The following PPARG variants were observed in gnomAD, a reference collection of about 807,000 sequenced individuals.
PPARG encodes the protein peroxisome proliferator activated receptor gamma, also known as peroxisome proliferator-activated receptor gamma.
A neutral mutation model predicts 39.2 loss-of-function variants in PPARG; 17 were observed. The ratio of observed to expected loss-of-function variants is 0.43; its 90% CI spans 0.30 to 0.65. The LOEUF (loss-of-function observed/expected upper bound fraction) is 0.65. PPARG is among the 30% of genes least tolerant of loss of function. PPARG has a pLI of 0.13. For missense variants in PPARG, 406 were observed against 585.9 expected (o/e 0.69, Z 3.17); for synonymous variants, 223 against 215.7 (o/e 1.03, Z -0.30).
intron 4 of PPARG, 149 bp downstream of exon 4, chr3:12,381,640 C>A: frequency 1.3e-6 from 1 of 784,982 alleles, no homozygotes; most frequent in South Asian, 1.6e-5. Flanking sequence ...TGCAGTGGTG[C>A]TATCCTAGCA....
intron 7 of PPARG, among the ~76,000 whole-genome samples, chr3:12,433,531 C>G (rs1306087891): frequency 7.1e-6 from 1 of 141,130 alleles, no homozygotes; most frequent in East Asian, 2.0e-4. Context: ...GAGCAAGACT[C>G]CATCTCAAAA....
intron 2 of PPARG, among the ~76,000 whole-genome samples, chr3:12,348,510 A>G (rs2048389416): frequency 1.3e-5 from 2 of 152,192 alleles, no homozygotes; most frequent in East Asian, 1.9e-4. Context: ...CATCCTCCTC[A>G]TTATAGAATC....
At chr3:12,352,868 T>C (rs2048532350) in intron 2 of PPARG, among the ~76,000 whole-genome samples, 1 of 152,238 alleles carries the variant, frequency 6.6e-6, no homozygotes, top group African/African-American at 2.4e-5. Context: ...TTGTTGTTAT[T>C]CTGTTTTTCT....
At chr3:12,313,679 A>G (rs1184882988) in intron 2 of PPARG, among the ~76,000 whole-genome samples, 1 of 152,198 alleles carries the variant, frequency 6.6e-6, no homozygotes, top group Non-Finnish European at 1.5e-5. Context: ...GGCAGGGAAA[A>G]TACAGGCTGA....
intron 2 of PPARG, among the ~76,000 whole-genome samples, chr3:12,361,951 A>G (rs1206216203): frequency 1.1e-4 from 17 of 152,232 alleles, no homozygotes; most frequent in Admixed American, 1.1e-3. Flanking sequence ...CCTTCAATCC[A>G]TGAACATGAA....
At chr3:12,328,237 A>G in intron 2 of PPARG, 2 of 1,532,896 alleles carry the variant, frequency 1.3e-6, no homozygotes, top group Non-Finnish European at 1.8e-6. Flanking sequence ...GAAGCTGAGA[A>G]CAACATCCGG....
intron 2 of PPARG, chr3:12,328,370 A>T (rs2047755568): frequency 3.0e-6 from 2 of 668,830 alleles, no homozygotes; most frequent in South Asian, 1.7e-5. Flanking sequence ...CTCTGCCCTG[A>T]TGGATGCTTT....
intron 6 of PPARG, among the ~76,000 whole-genome samples, chr3:12,408,042 G>A (rs2050734657): frequency 6.6e-6 from 1 of 152,116 alleles, no homozygotes; most frequent in South Asian, 2.1e-4. Context: ...AGAAGACCTG[G>A]GACTATAATG....
At chr3:12,307,540 CAGA>C (rs1035657876) in intron 1 of PPARG, among the ~76,000 whole-genome samples, 2 of 152,024 alleles carry the variant, frequency 1.3e-5, no homozygotes, top group African/African-American at 2.4e-5. Flanking sequence ...TCAAGAAAAG[CAGA>C]AGATTTGGGT....
At position 12,365,358 on chromosome 3, in the gene PPARG, G is replaced by A. The variant is rs79625047; in HGVS notation, c.-8-14346G>A. Reference sequence around the variant, plus strand: ...TTACTCATTCTCTTGACACTGTTTTGCACAGAGCAGACTTTTTTTATTTTA... The same window carrying A: ...TTACTCATTCTCTTGACACTGTTTTACACAGAGCAGACTTTTTTTATTTTA... On this transcript the variant is annotated intron_variant, in intron 2 of 7. Transcript: ENST00000651735. Among the ~76,000 whole-genome samples the A allele has an allele frequency of 6.5e-3, 995 of 152,174 alleles. 8 individuals carry two copies. The highest frequency in any genetic ancestry group is 0.01 in the Non-Finnish European group (686 of 68,010).
chr3:12,365,409 C>A (rs2048983250), intron 2 of PPARG, among the ~76,000 whole-genome samples: 1 of 152,138 alleles, frequency 6.6e-6, no homozygotes, highest in African/African-American at 2.4e-5. Flanking sequence ...TCAGTTATTT[C>A]ATGGTTCATG....
chr3:12,301,152 A>G (rs1035925735), intron 1 of PPARG, among the ~76,000 whole-genome samples: 5 of 152,240 alleles, frequency 3.3e-5, no homozygotes, highest in South Asian at 2.1e-4. Flanking sequence ...ATAGACTTCA[A>G]CATTCTATGT....
At chr3:12,381,613 T>C in intron 4 of PPARG, 122 bp downstream of exon 4, 1 of 1,035,142 alleles carries the variant, frequency 9.7e-7, no homozygotes, top group South Asian at 1.4e-5. Flanking sequence ...TATCTTGCTC[T>C]GTCACCCAGA....
At chr3:12,400,333 T>A (rs574972538) in intron 5 of PPARG, among the ~76,000 whole-genome samples, 660 of 152,326 alleles carry the variant, frequency 4.3e-3, no homozygotes, top group Non-Finnish European at 7.6e-3. Context: ...TATACCCAGA[T>A]CCAAAAAGCA....
Position 12,434,147 on chromosome 3 carries a change from A to C in PPARG, c.*2A>C, listed in dbSNP as rs774217869. 1 of 1,614,038 alleles carries C rather than the reference A, an allele frequency of 6.2e-7. No homozygotes were observed. Among genetic ancestry groups the C allele is most frequent in the South Asian group, 1.1e-5 (1 of 91,084 alleles). The stretch of plus-strand genomic sequence containing the variant: ...GAGATCTACAAGGACTTGTACTAGC[A>C]GAGAGTCCTGAGCCACTGCCAACAT... On this transcript the variant is annotated 3_prime_UTR_variant, in exon 8 of 8. Coordinates refer to ENST00000651735, the MANE Select transcript of PPARG (RefSeq NM_138711.6). This position sits in a 1 kb window ranked among gnomAD's most constrained non-coding sequence, Gnocchi z 4.2.
chr3:12,393,373 A>G (rs554346846), intron 5 of PPARG, among the ~76,000 whole-genome samples: 1 of 152,254 alleles, frequency 6.6e-6, no homozygotes, highest in South Asian at 2.1e-4. Flanking sequence ...ACCTGTGTCT[A>G]AAGTCAAGCT....
At position 12,392,657 on chromosome 3, in the gene PPARG, G is replaced by A. The variant is rs781526093; in HGVS notation, c.434G>A (p.Arg145Lys). The A allele has an allele frequency of 6.2e-7, 1 of 1,613,946 alleles. No individual in the cohort carries two copies. ...ATCAGATTGAAGCTTATCTATGACA[G>A]ATGTGATCTTAACTGTCGGATCCAC... ...RTIRLKLIYD[R>K]CDLNCRIHKK... The change falls in exon 5 of 8, where the codon AGA (arginine) becomes AAA (lysine). Residue 145 changes from arginine (R) to lysine (K), a missense_variant. By Grantham distance (26) the Arg-to-Lys change is conservative (BLOSUM62 2). This residue lies in a region of PPARG where 275 missense variants were observed against 458.0 expected (regional missense o/e 0.60). Coordinates refer to ENST00000651735, the MANE Select transcript of PPARG (RefSeq NM_138711.6).
At chr3:12,339,889 T>C (rs1048693729) in intron 2 of PPARG, among the ~76,000 whole-genome samples, 1 of 152,248 alleles carries the variant, frequency 6.6e-6, no homozygotes, top group South Asian at 2.1e-4. Flanking sequence ...GCATATTGCT[T>C]GTCTGACTAA....
chr3:12,411,428 G>A (rs1483264042), intron 6 of PPARG, among the ~76,000 whole-genome samples: 1 of 152,098 alleles, frequency 6.6e-6, no homozygotes, highest in African/African-American at 2.4e-5. Flanking sequence ...ATCACACACA[G>A]CACTCCACCA....
Sources: allele counts gnomAD v4.1 joint callset (sites outside exome capture counted in the v4.1 genomes callset), GRCh38; gene constraint gnomAD v4.1.1; regional missense constraint gnomAD v4.1.1; non-coding constraint Gnocchi (gnomAD v3.1); transcripts MANE v1.5; gene names NCBI Gene and HGNC (gene_info 2026-07-23, HGNC 2026-07-21).